The following VPS13B variants were observed in gnomAD, a reference collection of about 807,000 sequenced individuals.
VPS13B encodes vacuolar protein sorting 13 homolog B, also known as intermembrane lipid transfer protein VPS13B.
In VPS13B, 285 loss-of-function variants were observed where a neutral mutation model predicts 426.4. That is an observed-to-expected ratio of 0.67 (90% CI 0.61 to 0.74). The LOEUF is 0.74. Among genes scored for constraint, VPS13B ranks in the 30% least tolerant of loss-of-function variants. The pLI, the probability that VPS13B is intolerant of heterozygous loss-of-function variation, is 0.00. For missense variants in VPS13B, 4,537 were observed against 4,782.6 expected, an observed-to-expected ratio of 0.95 and a Z score of 1.51; for synonymous variants, 1,676 against 1,676.4, an observed-to-expected ratio of 1.00 and a Z score of 0.01.
At chr8:99,253,350 T>C (rs1390029609) in intron 17 of VPS13B, among the ~76,000 whole-genome samples, 1 of 152,182 alleles carries the variant, frequency 6.6e-6, no homozygotes, top group East Asian at 1.9e-4. Flanking sequence ...CTTGGTTATC[T>C]ACATAGGAGA....
intron 33 of VPS13B, among the ~76,000 whole-genome samples, chr8:99,634,455 A>T (rs1176102580): frequency 6.6e-6 from 1 of 151,990 alleles, no homozygotes; most frequent in East Asian, 1.9e-4. Flanking sequence ...GAGCCGGAAA[A>T]GTAACTTCAT....
intron 33 of VPS13B, among the ~76,000 whole-genome samples, chr8:99,634,292 T>G (rs1380792664): frequency 6.6e-6 from 1 of 151,958 alleles, no homozygotes; most frequent in Non-Finnish European, 1.5e-5. Flanking sequence ...TTAGCACTAG[T>G]CTTAGTTCCT....
Position 99,330,724 on chromosome 8 carries a change from C to T in VPS13B, c.2825-53484C>T, listed in dbSNP as rs150493148. 1.9e-3 allele frequency among the ~76,000 whole-genome samples: 287 copies of T among 151,860 alleles called. 7 individuals carry two copies. Among genetic ancestry groups the T allele is most frequent in the Non-Finnish European group, 1.1e-3 (73 of 67,782 alleles). On this transcript the variant is annotated intron_variant, in intron 19 of 61. Transcript: ENST00000357162. ...GTTACAGTGGTACCACTGGCTACCT[C>T]AAGAAGTTATTTGATCTAGTCATTG...
chr8:99,372,401 G>A (rs1185448522), intron 19 of VPS13B, among the ~76,000 whole-genome samples: 2 of 152,046 alleles, frequency 1.3e-5, no homozygotes, highest in Non-Finnish European at 2.9e-5. Context: ...GAAATTTTTT[G>A]CAATCTACTC....
intron 17 of VPS13B, among the ~76,000 whole-genome samples, chr8:99,197,902 A>T (rs1485689194): frequency 6.6e-6 from 1 of 152,016 alleles, no homozygotes; most frequent in Non-Finnish European, 1.5e-5. Flanking sequence ...GGGTGGTGAA[A>T]ATATTCTGTA....
At chr8:99,285,479 G>A (rs542243851) in intron 19 of VPS13B, among the ~76,000 whole-genome samples, 3 of 152,194 alleles carry the variant, frequency 2.0e-5, no homozygotes, top group Admixed American at 6.5e-5. Context: ...AAAAGTATTC[G>A]GGTTGTATAC....
chr8:99,120,631 TA>T (rs200007667), intron 7 of VPS13B: 5,134 of 152,458 alleles, frequency 0.034, 122 homozygotes, highest in Non-Finnish European at 0.047. Flanking sequence ...TAACTACATA[TA>T]AAAGTTGTTT....
At chr8:99,872,428 C>T (rs892021022) in intron 61 of VPS13B, among the ~76,000 whole-genome samples, 1 of 152,210 alleles carries the variant, frequency 6.6e-6, no homozygotes, top group African/African-American at 2.4e-5. Context: ...CTTGGGGCAG[C>T]TCCATGGCTG....
chr8:99,140,120 A>G (rs1052790714), intron 12 of VPS13B, among the ~76,000 whole-genome samples: 2 of 152,042 alleles, frequency 1.3e-5, no homozygotes, highest in African/African-American at 4.8e-5. Flanking sequence ...TAATCCCAGC[A>G]CTTTGGAAGG....
chr8:99,574,743 T>C (rs1327240827), intron 31 of VPS13B, among the ~76,000 whole-genome samples: 3 of 152,220 alleles, frequency 2.0e-5, no homozygotes, highest in Non-Finnish European at 4.4e-5. Context: ...TTCTGGAACC[T>C]TTGTTCTCAT....
chr8:99,483,581 G>T (rs778165280), intron 25 of VPS13B, among the ~76,000 whole-genome samples: 7 of 152,102 alleles, frequency 4.6e-5, no homozygotes, highest in Non-Finnish European at 7.4e-5. Context: ...AAGGTAATCA[G>T]TTGCTAGACA....
At chr8:99,620,208 TA>T (rs1308777621) in intron 33 of VPS13B, among the ~76,000 whole-genome samples, 2 of 152,140 alleles carry the variant, frequency 1.3e-5, no homozygotes, top group African/African-American at 4.8e-5. Flanking sequence ...AGTGTTGCAA[TA>T]AAAACCACTG....
At chr8:99,324,712 G>A (rs925514321) in intron 19 of VPS13B, among the ~76,000 whole-genome samples, 2 of 152,106 alleles carry the variant, frequency 1.3e-5, no homozygotes, top group Non-Finnish European at 2.9e-5. Flanking sequence ...TGTTGATCAC[G>A]TATTTCAAGT....
rs1374252143 is a variant in VPS13B, at chr8:99,640,025, T to TAATAAG, written c.5221-1784_5221-1783insTAAGAA. On this transcript the variant is annotated intron_variant, in intron 33 of 61. Transcript: ENST00000357162. The stretch of plus-strand genomic sequence containing the variant: ...ATAATAATAATAATAATAATAATAA[T>TAATAAG]AAGAAGAAGAAGAAGAAGAAGAAGA... Among the ~76,000 whole-genome samples, 22 of 104,310 alleles carry TAATAAG rather than the reference T, an allele frequency of 2.1e-4. 1 individual carries two copies. The highest frequency in any genetic ancestry group is 5.5e-4 in the African/African-American group (15 of 27,152). The allele number at this position is 104,310 out of a possible 152,430, so 68.4% of individuals were successfully genotyped here. A position where few individuals can be genotyped will look rare whatever the true frequency, so the allele number is the denominator to read the frequency against.
At chr8:99,503,595 C>T (rs1325263967) in intron 27 of VPS13B, among the ~76,000 whole-genome samples, 1 of 152,150 alleles carries the variant, frequency 6.6e-6, no homozygotes, top group African/African-American at 2.4e-5. Flanking sequence ...GTCATTTCAA[C>T]AATGTTCCCA....
chr8:99,377,889 G>A (rs1042372668), intron 19 of VPS13B, among the ~76,000 whole-genome samples: 3 of 152,172 alleles, frequency 2.0e-5, no homozygotes, highest in Non-Finnish European at 2.9e-5. Context: ...CAGAAGGTCA[G>A]GGTGAGATCA....
At chr8:99,508,479 T>C in intron 28 of VPS13B, among the ~76,000 whole-genome samples, 1 of 152,306 alleles carries the variant, frequency 6.6e-6, no homozygotes, top group Non-Finnish European at 1.5e-5. Flanking sequence ...TAAAGTTAAC[T>C]TTGTTCTTAA....
chr8:99,339,857 A>G (rs532080858), intron 19 of VPS13B, among the ~76,000 whole-genome samples: 1 of 152,320 alleles, frequency 6.6e-6, no homozygotes, highest in East Asian at 1.9e-4. Flanking sequence ...TCCAAATATA[A>G]ACTAAAATTT....
chr8:99,501,939 CCTTT>C (rs1313357397), intron 26 of VPS13B, 81 bp downstream of exon 26: 4 of 1,328,596 alleles, frequency 3.0e-6, no homozygotes, highest in South Asian at 1.3e-5. Context: ...TTCCTTCCTT[CCTTT>C]CTTTTCTGTC....
Sources: gnomAD v4.1 joint callset for allele counts (sites outside exome capture counted in the v4.1 genomes callset) on GRCh38, gnomAD v4.1.1 for gene constraint, MANE v1.5 for transcripts, NCBI Gene and HGNC (gene_info 2026-07-23, HGNC 2026-07-21) for gene names.